The following MYH11 variants were observed in gnomAD, a reference collection of about 807,000 sequenced individuals.
The protein encoded by MYH11 is myosin-11.
Under a neutral mutation model 246.6 loss-of-function variants are expected in MYH11, and 80 were observed. That is an observed-to-expected ratio of 0.32 (90% CI 0.27 to 0.39). The LOEUF (loss-of-function observed/expected upper bound fraction) is 0.39, where lower values mean the gene tolerates loss of function less well. MYH11 is among the 10% of genes least tolerant of loss of function. The pLI is 1.00. For missense variants in MYH11, 2,158 were observed against 2,546.8 expected, an observed-to-expected ratio of 0.85 and a Z score of 3.29; for synonymous variants, 1,071 against 1,015.5, an observed-to-expected ratio of 1.05 and a Z score of -1.04.
At position 15,715,034 on chromosome 16, in the gene MYH11, C is replaced by T; in HGVS notation, c.5661G>A (p.Glu1887=). 1.9e-6 allele frequency: 3 copies of T among 1,613,844 alleles called. No individual in the cohort carries two copies. The highest frequency in any genetic ancestry group is 2.5e-6 in the Non-Finnish European group (3 of 1,180,018). The stretch of plus-strand genomic sequence containing the variant: ...TGCGCTGGGACTCCTCCTCTGCCTC[C>T]TCCAGCTGCCTCTTGAGCTGCTTGA... ...ARVKQLKRQL[E]EAEEESQRIN... Residue 1887 remains glutamate (E), a synonymous_variant, in exon 40 of 41, where the codon GAG becomes GAA. Transcript: ENST00000300036.
At chr16:15,823,159 T>G (rs2043460821) in intron 3 of MYH11, 96 bp downstream of exon 3, 4 of 1,552,614 alleles carry the variant, frequency 2.6e-6, no homozygotes, top group Non-Finnish European at 3.5e-6. Context: ...TCCCTCGCAG[T>G]GCCTGCCAAA....
In MYH11 at chr16:15,718,309, C is replaced by T; in HGVS notation, c.5295+6G>A. On this transcript the variant is annotated splice_donor_region_variant and intron_variant, in intron 37 of 40. Transcript: ENST00000300036. ...AGCGTGACTGTGGTGTCCAGGCGGC[C>T]CTCACCTGCTGTGTGGCTTTGCGGA... The T allele has an allele frequency of 6.2e-7, 1 of 1,608,574 alleles. No individual in the cohort carries two copies. The highest frequency in any genetic ancestry group is 8.5e-7 in the Non-Finnish European group (1 of 1,179,974).
intron 19 of MYH11, among the ~76,000 whole-genome samples, chr16:15,747,212 C>T (rs551537377): frequency 2.0e-5 from 3 of 152,236 alleles, no homozygotes; most frequent in South Asian, 2.1e-4. Context: ...TCTAAGCTCT[C>T]GTCATGCGTT....
chr16:15,720,126 G>A (rs931789398), intron 34 of MYH11, 25 bp downstream of exon 34: 27 of 1,613,922 alleles, frequency 1.7e-5, no homozygotes, highest in Non-Finnish European at 1.9e-5. Context: ...CTCCACCCAT[G>A]CCCCAAGCTC....
At chr16:15,776,030 A>C in intron 8 of MYH11, 48 bp downstream of exon 8, 1 of 1,377,592 alleles carries the variant, frequency 7.3e-7, no homozygotes, top group East Asian at 2.3e-5. Context: ...ATTCTGATGA[A>C]AGGGAAGGCT....
At chr16:15,757,570 A>T (rs2041760901) in intron 13 of MYH11, among the ~76,000 whole-genome samples, 1 of 143,858 alleles carries the variant, frequency 7.0e-6, no homozygotes, top group African/African-American at 2.5e-5. Context: ...GAAAGAGGGT[A>T]GGGAAGAAAA....
rs368193129 is a variant in MYH11 at position 15,740,075 on chromosome 16, A to C, written c.2973T>G (p.Asp991Glu). ...KKLEDEILVM[D>E]DQNNKLSKER... Reference sequence around the variant, plus strand: ...CTTTTGATAGTTTATTGTTCTGATCATCCATGACCAGGATCTCATCCTCCA... The same window carrying C: ...CTTTTGATAGTTTATTGTTCTGATCCTCCATGACCAGGATCTCATCCTCCA... Residue 991 changes from aspartate to glutamate, a missense_variant, in exon 23 of 41, where the codon GAT (aspartate) becomes GAG (glutamate). Transcript: ENST00000300036. 3.1e-6 allele frequency: 5 copies of C among 1,614,068 alleles called. No homozygotes were observed. Among genetic ancestry groups the C allele is most frequent in the Non-Finnish European group, 4.2e-6 (5 of 1,180,042 alleles).
chr16:15,835,195 T>C (rs1022216637), intron 2 of MYH11, among the ~76,000 whole-genome samples: 2 of 152,092 alleles, frequency 1.3e-5, no homozygotes, highest in African/African-American at 4.8e-5. Flanking sequence ...AAAAATGGCC[T>C]ATCCCCATGA....
At chr16:15,768,040 A>T (rs2042022251) in intron 9 of MYH11, among the ~76,000 whole-genome samples, 1 of 152,042 alleles carries the variant, frequency 6.6e-6, no homozygotes, top group Non-Finnish European at 1.5e-5. Flanking sequence ...GGCCTCCCAA[A>T]GTGCTGGGAT....
In MYH11 at chr16:15,741,586, C is replaced by T. The variant is rs2151250536; in HGVS notation, c.2736G>A (p.Arg912=). ...LYAEAEEMRV[R]LAAKKQELEE... The stretch of plus-strand genomic sequence containing the variant: ...CCAGCTCCTGCTTCTTGGCCGCCAG[C>T]CGCACCCGCATCTCCTCAGCCTCTG... The change falls in exon 22 of 41, where the codon CGG becomes CGA. Residue 912 remains arginine, a synonymous_variant. Transcript: ENST00000300036. The T allele has an allele frequency of 1.2e-6, 2 of 1,612,462 alleles. No individual in the cohort carries two copies. Among genetic ancestry groups the T allele is most frequent in the Non-Finnish European group, 1.7e-6 (2 of 1,180,026 alleles).
At chr16:15,762,189 G>T (rs2041883763) in intron 10 of MYH11, among the ~76,000 whole-genome samples, 1 of 152,162 alleles carries the variant, frequency 6.6e-6, no homozygotes, top group Non-Finnish European at 1.5e-5. Context: ...TGGCGAGGCT[G>T]GTCTTGAACT....
intron 2 of MYH11, among the ~76,000 whole-genome samples, chr16:15,829,401 G>A (rs2043666134): frequency 6.6e-6 from 1 of 152,134 alleles, no homozygotes; most frequent in Admixed American, 6.5e-5. Context: ...AGCAAGCCAG[G>A]GTATGACGAT....
At chr16:15,728,135 A>G (rs1275078122) in intron 27 of MYH11, among the ~76,000 whole-genome samples, 1 of 152,130 alleles carries the variant, frequency 6.6e-6, no homozygotes, top group African/African-American at 2.4e-5. Context: ...TGGCTAAGGC[A>G]CAAGTATTGC....
Position 15,721,411 on chromosome 16 carries a change from G to A in MYH11, c.4578+11C>T, listed in dbSNP as rs1256746022. The stretch of plus-strand genomic sequence containing the variant: ...AAACATGGACGAGAAAAACCACCCA[G>A]AGCCACTTACGTTCTTGCCCACGTC... On this transcript the variant is annotated intron_variant, in intron 32 of 40. Transcript: ENST00000300036. The A allele has an allele frequency of 1.2e-6, 2 of 1,613,990 alleles. No homozygotes were observed. Among genetic ancestry groups the A allele is most frequent in the East Asian group, 2.2e-5 (1 of 44,874 alleles).
rs780670827 is a variant in MYH11, at chr16:15,732,725, C to T, written c.3507-17G>A. ...CTCTTGGCCCTTGGTGGGAGGAACA[C>T]AGTGAATGGCAGTTGGGTGGAGACA... is the stretch of plus-strand genomic sequence containing the variant. On this transcript the variant is annotated splice_polypyrimidine_tract_variant and intron_variant, in intron 26 of 40. Coordinates refer to ENST00000300036, the MANE Select transcript of MYH11 (RefSeq NM_002474.3). 6.2e-7 allele frequency: 1 copy of T among 1,614,078 alleles called. No individual in the cohort carries two copies. The highest frequency in any genetic ancestry group is 8.5e-7 in the Non-Finnish European group (1 of 1,180,024).
chr16:15,746,758 C>T (rs978667041), intron 19 of MYH11, among the ~76,000 whole-genome samples: 6 of 152,134 alleles, frequency 3.9e-5, no homozygotes, highest in African/African-American at 1.4e-4. Flanking sequence ...GATCTAGACA[C>T]CGTCAAGTCC....
Position 15,771,638 on chromosome 16 carries a change from C to T in MYH11, c.964G>A (p.Asp322Asn). Residue 322 changes from aspartate to asparagine, a missense_variant, in exon 9 of 41, where the codon GAT (aspartate) becomes AAT (asparagine). By Grantham distance (23) the Asp-to-Asn change is conservative (BLOSUM62 1). Around this residue, in one of 11 missense-constraint regions of MYH11, gnomAD observed 75 missense variants for 70.0 expected, o/e 1.07. Transcript: ENST00000300036. The stretch of plus-strand genomic sequence containing the variant: ...ACGGTTTCCTGGAACATCTCATCAT[C>T]CTGGGCTGCTGGGATGGGCACAAAG... ...NGFVPIPAAQ[D>N]DEMFQETVEA... is the part of the protein sequence containing the mutation. 1 of 1,613,986 alleles carries T rather than the reference C, an allele frequency of 6.2e-7. No individual in the cohort carries two copies. Among genetic ancestry groups the T allele is most frequent in the Non-Finnish European group, 8.5e-7 (1 of 1,180,006 alleles).
chr16:15,745,544 C>T (rs551921634), intron 19 of MYH11, among the ~76,000 whole-genome samples: 66 of 151,906 alleles, frequency 4.3e-4, no homozygotes, highest in African/African-American at 1.5e-3. Flanking sequence ...GGCTCCCGTA[C>T]TCCCCAGCTG....
chr16:15,792,607 G>A (rs764353517), intron 4 of MYH11: 3 of 152,152 alleles, frequency 2.0e-5, no homozygotes, highest in Non-Finnish European at 4.4e-5. Flanking sequence ...GTGCGGCTGT[G>A]TTTCAATAAA....
Sources: gnomAD v4.1 joint callset for allele counts (sites outside exome capture counted in the v4.1 genomes callset) on GRCh38, gnomAD v4.1.1 for gene constraint, gnomAD v4.1.1 regional missense constraint, MANE v1.5 for transcripts, NCBI Gene and HGNC (gene_info 2026-07-23, HGNC 2026-07-21) for gene names.